DNAH3: variants seen among roughly 807,000 people sequenced by gnomAD.
DNAH3 encodes axonemal beta dynein heavy chain 3.
DNAH3 carries 332 observed loss-of-function variants against 432.5 expected under a neutral mutation model. The observed-to-expected ratio is 0.77, with a 90% CI of 0.70 to 0.84. The LOEUF is 0.84. Among genes scored for constraint, DNAH3 ranks in the 40% least tolerant of loss-of-function variants. The pLI is 0.00. For missense variants in DNAH3, 4,861 were observed against 5,114.0 expected, an observed-to-expected ratio of 0.95 and a Z score of 1.51; for synonymous variants, 1,956 against 1,900.2, an observed-to-expected ratio of 1.03 and a Z score of -0.76.
At chr16:21,105,972 G>C (rs1825680499) in intron 15 of DNAH3, among the ~76,000 whole-genome samples, 1 of 151,250 alleles carries the variant, frequency 6.6e-6, no homozygotes, top group South Asian at 2.1e-4. Flanking sequence ...ATGAGGTCAA[G>C]AGATAGAGAC....
chr16:21,061,305 G>A (rs532370207), intron 25 of DNAH3, among the ~76,000 whole-genome samples: 2 of 135,450 alleles, frequency 1.5e-5, no homozygotes, highest in African/African-American at 2.8e-5. Context: ...GTGTGATCTC[G>A]GCTCATTGCA....
intron 41 of DNAH3, among the ~76,000 whole-genome samples, chr16:21,008,217 C>G (rs1000053606): frequency 6.6e-6 from 1 of 152,146 alleles, no homozygotes; most frequent in Non-Finnish European, 1.5e-5. Flanking sequence ...CTCTCTCTCT[C>G]TGATGTGTGC....
chr16:21,118,343 C>T (rs1308245903), intron 11 of DNAH3, among the ~76,000 whole-genome samples: 1 of 152,180 alleles, frequency 6.6e-6, no homozygotes, highest in African/African-American at 2.4e-5. Flanking sequence ...ACTAGATTCT[C>T]CTCTAAGCCC....
chr16:21,019,935 T>G lies in DNAH3; in HGVS notation c.5777-66A>C. On this transcript the variant is annotated intron_variant, in intron 40 of 61. Coordinates refer to ENST00000261383, the Ensembl canonical transcript of DNAH3. ...TGCCACAGATGTAAGGGCTGTGAAC[T>G]GGTTGGCTTTGCCTTTGAAGGGTCT... 3 of 1,572,408 alleles carry G rather than the reference T, an allele frequency of 1.9e-6. No homozygotes were observed. The South Asian group carries it at 3.6e-5, about 19-fold the overall frequency.
intron 5 of DNAH3, among the ~76,000 whole-genome samples, chr16:21,137,120 C>T (rs751771847): frequency 5.9e-5 from 9 of 151,876 alleles, no homozygotes; most frequent in Non-Finnish European, 8.8e-5. Context: ...GGTGACCAAT[C>T]GAGACTCTGT....
At chr16:21,012,238 G>A (rs1199256362) in intron 41 of DNAH3, among the ~76,000 whole-genome samples, 1 of 152,154 alleles carries the variant, frequency 6.6e-6, no homozygotes, top group Non-Finnish European at 1.5e-5. Context: ...GGAGATGATG[G>A]TTATGGGAGC....
At chr16:21,099,233 C>CATGGATGGATGGATGGATGGATGG (rs111518786) in intron 16 of DNAH3, among the ~76,000 whole-genome samples, 2 of 149,694 alleles carry the variant, frequency 1.3e-5, no homozygotes, top group African/African-American at 2.5e-5. Flanking sequence ...AGACAATAGA[C>CATGGATGGATGGATGGATGGATGG]ATGGATGGAT....
chr16:20,962,380 G>T (rs1388845360), intron 53 of DNAH3, among the ~76,000 whole-genome samples: 1 of 152,100 alleles, frequency 6.6e-6, no homozygotes, highest in Non-Finnish European at 1.5e-5. Flanking sequence ...CAAAGCTGTG[G>T]CCCGTGCATT....
intron 36 of DNAH3, among the ~76,000 whole-genome samples, chr16:21,031,594 C>T (rs2088876086): frequency 6.7e-6 from 1 of 148,794 alleles, no homozygotes; most frequent in Non-Finnish European, 1.5e-5. Context: ...AGAATGAAGC[C>T]GTCTCTCAAA....
intron 40 of DNAH3, among the ~76,000 whole-genome samples, chr16:21,020,348 G>GTGTGTGTGTATATA: frequency 6.2e-4 from 43 of 69,146 alleles, no homozygotes; most frequent in African/African-American, 2.8e-3. Context: ...TATAGTGTGT[G>GTGTGTGTGTATATA]TATATATATA....
intron 51 of DNAH3, among the ~76,000 whole-genome samples, chr16:20,970,910 G>A (rs2152637541): frequency 6.9e-6 from 1 of 145,402 alleles, no homozygotes; most frequent in East Asian, 2.0e-4. Flanking sequence ...TATCATCCAG[G>A]CTGGACTGTA....
chr16:21,022,155 G>A (rs2088268991), intron 39 of DNAH3, 55 bp from the exon 40 acceptor site: 8 of 1,594,716 alleles, frequency 5.0e-6, no homozygotes, highest in African/African-American at 2.7e-5. Flanking sequence ...GTGAGTTGAC[G>A]ACCAAGAGCT....
At chr16:21,018,007 A>AAAATTC (rs2087949527) in intron 41 of DNAH3, among the ~76,000 whole-genome samples, 1 of 151,570 alleles carries the variant, frequency 6.6e-6, no homozygotes, top group Non-Finnish European at 1.5e-5. Flanking sequence ...TTTTTTAAAA[A>AAAATTC]AAATTCAAAA....
At chr16:20,981,457 G>C (rs564643170) in intron 49 of DNAH3, among the ~76,000 whole-genome samples, 1 of 152,262 alleles carries the variant, frequency 6.6e-6, no homozygotes, top group Non-Finnish European at 1.5e-5. Flanking sequence ...ATTGAGCCTG[G>C]GTGCGGTGGC....
At chr16:21,047,663 T>C (rs2089765811) in intron 31 of DNAH3, among the ~76,000 whole-genome samples, 1 of 151,852 alleles carries the variant, frequency 6.6e-6, no homozygotes, top group African/African-American at 2.4e-5. Context: ...TCTGAAGCCT[T>C]CTTCTCTCAG....
At chr16:21,013,404 A>G (rs975403381) in intron 41 of DNAH3, among the ~76,000 whole-genome samples, 54 of 152,184 alleles carry the variant, frequency 3.5e-4, no homozygotes, top group African/African-American at 1.2e-3. Context: ...GTTAACCAAG[A>G]AAAAAAGAGA....
chr16:21,118,915 G>T (rs1483581984), intron 11 of DNAH3, among the ~76,000 whole-genome samples: 1 of 152,184 alleles, frequency 6.6e-6, no homozygotes, highest in Non-Finnish European at 1.5e-5. Flanking sequence ...AAAGATTTTA[G>T]TGGCTGGTCT....
At chr16:21,123,107 G>T (rs1005000447) in intron 9 of DNAH3, among the ~76,000 whole-genome samples, 1 of 152,128 alleles carries the variant, frequency 6.6e-6, no homozygotes, top group African/African-American at 2.4e-5. Flanking sequence ...AAAATTTATT[G>T]ATTCAGTCCA....
At chr16:21,032,729 C>G (rs558797235) in intron 36 of DNAH3, among the ~76,000 whole-genome samples, 1 of 152,178 alleles carries the variant, frequency 6.6e-6, no homozygotes, top group Admixed American at 6.5e-5. Flanking sequence ...AGGAGGATTG[C>G]TTGAGCCCAG....
Sources: gnomAD v4.1 joint callset for allele counts (sites outside exome capture counted in the v4.1 genomes callset) on GRCh38, gnomAD v4.1.1 for gene constraint, MANE v1.5 for transcripts, NCBI Gene and HGNC (gene_info 2026-07-23, HGNC 2026-07-21) for gene names.